Variants in SFTPA2 observed in about 807,000 individuals in gnomAD.
SFTPA2 encodes surfactant protein A2.
Under a neutral mutation model 20.3 loss-of-function variants are expected in SFTPA2, and 21 were observed. The ratio of observed to expected loss-of-function variants is 1.03; its 90% CI spans 0.73 to 1.49. The LOEUF (loss-of-function observed/expected upper bound fraction) is 1.49. Among genes scored for constraint, SFTPA2 ranks in the 40% most tolerant of loss-of-function variants. SFTPA2 has a pLI of 0.00. For missense variants in SFTPA2, 302 were observed against 314.8 expected, an observed-to-expected ratio of 0.96 and a Z score of 0.31; for synonymous variants, 116 against 118.7, an observed-to-expected ratio of 0.98 and a Z score of 0.15.
chr10:79,557,185 C>T lies in SFTPA2; in HGVS notation c.*24G>A, dbSNP rs771860943. 8.7e-6 allele frequency: 14 copies of T among 1,614,156 alleles called. No individual in the cohort carries two copies. The highest frequency in any genetic ancestry group is 1.2e-5 in the Non-Finnish European group (14 of 1,180,028). On this transcript the variant is annotated 3_prime_UTR_variant, in exon 6 of 6. Transcript: ENST00000372325. ...AAACTGAAGGCCAGACAGGATCCTC[C>T]CTGTCCCATGGCCTAAATGCCTCTC...
intron 4 of SFTPA2, 43 bp downstream of exon 4, chr10:79,558,843 C>CT: frequency 6.2e-7 from 1 of 1,614,026 alleles, no homozygotes; most frequent in Non-Finnish European, 8.5e-7. Context: ...CTTCAGGTCG[C>CT]TGTGCCCATG....
chr10:79,558,547 C>A (rs934036980), intron 4 of SFTPA2, among the ~76,000 whole-genome samples: 1 of 152,076 alleles, frequency 6.6e-6, no homozygotes, highest in Non-Finnish European at 1.5e-5. Context: ...TGCCTGGATG[C>A]CTCGTCCGCA....
rs1054838552 is a variant in SFTPA2 at position 79,558,758 on chromosome 10, C to T, written c.292+128G>A. The T allele has an allele frequency of 8.0e-6, 12 of 1,506,064 alleles. No homozygotes were observed. In the South Asian group the frequency reaches 1.0e-4, roughly 13 times the overall value. The allele number at this position is 1,506,064 out of a possible 1,614,324, so 93.3% of individuals were successfully genotyped here. ...GCTTTCTCCCTCAAATTCATATTCT[C>T]TTACTTAGGTTGAGCCAAATGCCCT... On this transcript the variant is annotated intron_variant, in intron 4 of 5. Transcript: ENST00000372325.
chr10:79,559,088 C>T (rs948713306), intron 3 of SFTPA2, 83 bp from the exon 4 acceptor site: 64 of 1,612,760 alleles, frequency 4.0e-5, no homozygotes, highest in Non-Finnish European at 4.6e-5. Flanking sequence ...CCATTATCAC[C>T]GGGGCTGGCT....
intron 1 of SFTPA2, 178 bp from the exon 2 acceptor site, chr10:79,560,176 G>T: frequency 4.3e-6 from 1 of 233,646 alleles, no homozygotes; most frequent in Non-Finnish European, 7.1e-6. Context: ...GGCCAAGGAA[G>T]ATATCAAAGC....
In SFTPA2 at chr10:79,557,557, T is replaced by C. The variant is rs763971475; in HGVS notation, c.399A>G (p.Thr133=). ...TGCTGGAGAAGACCTTCTCTCCTAC[T>C]GTCATTATGGAGCCCTGCAGACTGA... is the stretch of plus-strand genomic sequence containing the variant. The part of the protein sequence containing the change: ...GALSLQGSIM[T]VGEKVFSSNG... The change falls in exon 6 of 6, where the codon ACA becomes ACG. Residue 133 remains threonine, a synonymous_variant. Coordinates refer to ENST00000372325, the MANE Select transcript of SFTPA2 (RefSeq NM_001098668.4). 57 of 1,611,964 alleles carry C rather than the reference T, an allele frequency of 3.5e-5. No homozygotes were observed. The Admixed American group carries it at 3.7e-4, about 10-fold the overall frequency.
At chr10:79,557,712 T>A in intron 5 of SFTPA2, 127 bp from the exon 6 acceptor site, 1 of 1,132,668 alleles carries the variant, frequency 8.8e-7, no homozygotes, top group Non-Finnish European at 1.3e-6. Context: ...TGTCTTCTCT[T>A]CCTCTTCCAA....
chr10:79,557,905 A>G, intron 5 of SFTPA2, 147 bp downstream of exon 5: 1 of 1,376,082 alleles, frequency 7.3e-7, no homozygotes, highest in Non-Finnish European at 1.0e-6. Flanking sequence ...TTGGCCATTC[A>G]AAGACATCAG....
Position 79,558,620 on chromosome 10 carries a change from C to A in SFTPA2, c.292+266G>T, listed in dbSNP as rs1168115341. ...GACATGCCTCCCCTGCCTCCCAGTG[C>A]TGTCCCTCGTCCCACACCTGACTCA... On this transcript the variant is annotated intron_variant, in intron 4 of 5. Coordinates refer to ENST00000372325, the MANE Select transcript of SFTPA2 (RefSeq NM_001098668.4). Among the ~76,000 whole-genome samples, 7 of 152,320 alleles carry A rather than the reference C, an allele frequency of 4.6e-5. No homozygotes were observed. The South Asian group carries it at 1.4e-3, about 32-fold the overall frequency.
chr10:79,559,650 G>A (rs767528868), intron 2 of SFTPA2, 144 bp from the exon 3 acceptor site: 1 of 1,561,598 alleles, frequency 6.4e-7, no homozygotes, highest in Non-Finnish European at 8.7e-7. Context: ...AAGCACCCGG[G>A]AAAATTCCAA....
chr10:79,556,116 T>C lies in SFTPA2; in HGVS notation c.*1093A>G, dbSNP rs4794. On this transcript the variant is annotated 3_prime_UTR_variant, in exon 6 of 6. Coordinates refer to ENST00000372325, the MANE Select transcript of SFTPA2 (RefSeq NM_001098668.4). Reference sequence around the variant, plus strand: ...TACATAATAAACTGTATTAAAAGATTTTGTCAAGGTGTGTGGCACATGGTA... The same window carrying C: ...TACATAATAAACTGTATTAAAAGATCTTGTCAAGGTGTGTGGCACATGGTA... 54,821 of 166,050 alleles carry C rather than the reference T, an allele frequency of 0.33. 9,718 individuals carry two copies. The highest frequency in any genetic ancestry group is 0.47 in the East Asian group (2,450 of 5,168). The allele number at this position is 166,050 out of a possible 1,614,324, so 10.3% of individuals were successfully genotyped here.
At position 79,559,412 on chromosome 10, in the gene SFTPA2, G is replaced by C. The variant is rs757600924; in HGVS notation, c.72C>G (p.Asp24Glu). The stretch of plus-strand genomic sequence containing the variant: ...GGATACCAGGGCTTCCAACACAAAC[G>C]TCCTTCACTTCGCACGCAGCACCAG... ...AASGAACEVK[D>E]VCVGSPGIPG... is the part of the protein sequence containing the mutation. Residue 24 changes from aspartate to glutamate, a missense_variant, in exon 3 of 6, where the codon GAC (aspartate) becomes GAG (glutamate). Asp to Glu is a conservative substitution (Grantham distance 45, BLOSUM62 2). This residue lies in a region of SFTPA2 where 31 missense variants were observed against 29.8 expected (regional missense o/e 1.04). Coordinates refer to ENST00000372325, the MANE Select transcript of SFTPA2 (RefSeq NM_001098668.4). 3 of 1,613,748 alleles carry C rather than the reference G, an allele frequency of 1.9e-6. No homozygotes were observed. The highest frequency in any genetic ancestry group is 1.7e-5 in the Admixed American group (1 of 60,010).
Position 79,557,332 on chromosome 10 carries a change from G to A in SFTPA2, c.624C>T (p.Tyr208=), listed in dbSNP as rs776308348. ...FRYSDGTPVN[Y]TNWYRGEPAG... Reference sequence around the variant, plus strand: ...CAGGCTCCCCTCGGTACCAGTTGGTGTAGTTTACAGGGGTCCCATCTGAGT... The same window carrying A: ...CAGGCTCCCCTCGGTACCAGTTGGTATAGTTTACAGGGGTCCCATCTGAGT... The change falls in exon 6 of 6, where the codon TAC becomes TAT. Residue 208 remains tyrosine, a synonymous_variant. Coordinates refer to ENST00000372325, the MANE Select transcript of SFTPA2 (RefSeq NM_001098668.4). The A allele has an allele frequency of 1.2e-6, 2 of 1,614,074 alleles. No individual in the cohort carries two copies. The highest frequency in any genetic ancestry group is 1.3e-5 in the African/African-American group (1 of 74,926).
rs748397712 is a variant in SFTPA2 at position 79,557,480 on chromosome 10, C to T, written c.476G>A (p.Gly159Asp). 62 of 1,613,472 alleles carry T rather than the reference C, an allele frequency of 3.8e-5. No homozygotes were observed. The highest frequency in any genetic ancestry group is 4.8e-5 in the Non-Finnish European group (57 of 1,179,714). ...DAIQEACARAGGRIAVPRNPE... is the reference protein window; with the variant it reads ...DAIQEACARADGRIAVPRNPE... ...ATTCCTTGGGACAGCAATGCGGCCG[C>T]CTGCTCTGGCACATGCCTCCTGAAT... Residue 159 changes from glycine (G) to aspartate (D), a missense_variant, in exon 6 of 6, where the codon GGC becomes GAC. Gly to Asp is a moderately conservative substitution (Grantham distance 94, BLOSUM62 -1). Transcript: ENST00000372325.
Position 79,559,441 on chromosome 10 carries a change from C to T in SFTPA2, c.43G>A (p.Ala15Thr), listed in dbSNP as rs1859048320. Residue 15 changes from alanine (A) to threonine (T), a missense_variant, in exon 3 of 6, where the codon GCC (alanine) becomes ACC (threonine). Transcript: ENST00000372325. ...PLALTLILMA[A>T]SGAACEVKDV... ...TTCACTTCGCACGCAGCACCAGAGG[C>T]TGCCATCAAGATGAGGGTGAGGGCC... 3.1e-6 allele frequency: 5 copies of T among 1,613,590 alleles called. No individual in the cohort carries two copies. The African/African-American group carries it at 6.7e-5, about 22-fold the overall frequency.
chr10:79,555,886 T>C lies in SFTPA2; in HGVS notation c.*1323A>G, dbSNP rs540749007. 2.6e-4 allele frequency: 39 copies of C among 152,344 alleles called. No individual in the cohort carries two copies. Among genetic ancestry groups the C allele is most frequent in the African/African-American group, 8.9e-4 (37 of 41,570 alleles). The allele number at this position is 152,344 out of a possible 1,614,324, so 9.4% of individuals were successfully genotyped here. A position where few individuals can be genotyped will look rare whatever the true frequency, so the allele number is the denominator to read the frequency against. On this transcript the variant is annotated 3_prime_UTR_variant, in exon 6 of 6. Transcript: ENST00000372325. ...TCATGTGAACACACTAACGATTTAT[T>C]ATGCTTAAATCATCTTTATTCAGCT...
intron 4 of SFTPA2, 22 bp from the exon 5 acceptor site, chr10:79,558,151 G>A: frequency 6.2e-7 from 1 of 1,613,942 alleles, no homozygotes. Flanking sequence ...GCCCCACACA[G>A]AAGGAGGGGC....
chr10:79,559,712 T>C, intron 2 of SFTPA2: 1 of 1,549,966 alleles, frequency 6.5e-7, no homozygotes, highest in South Asian at 1.2e-5. Flanking sequence ...CGGCTGGAGG[T>C]TGTGGGGTCT....
chr10:79,558,160 G>A, intron 4 of SFTPA2, 31 bp from the exon 5 acceptor site: 2 of 1,613,886 alleles, frequency 1.2e-6, no homozygotes, highest in East Asian at 2.2e-5. Flanking sequence ...AGAAGGAGGG[G>A]CAGGCCAGTG....
Sources: allele counts gnomAD v4.1 joint callset (sites outside exome capture counted in the v4.1 genomes callset), GRCh38; gene constraint gnomAD v4.1.1; regional missense constraint gnomAD v4.1.1; transcripts MANE v1.5; gene names NCBI Gene and HGNC (gene_info 2026-07-23, HGNC 2026-07-21).